The following KIF21B variants were observed in gnomAD, a reference collection of about 807,000 sequenced individuals.
KIF21B encodes the protein kinesin family member 21B, also known as kinesin-like protein KIF21B.
KIF21B carries 85 observed loss-of-function variants against 192.9 expected under a neutral mutation model. That is an observed-to-expected ratio of 0.44 (90% CI 0.37 to 0.53). The LOEUF (loss-of-function observed/expected upper bound fraction) is 0.53. Ranked by LOEUF, KIF21B falls within the 20% of genes least tolerant of loss-of-function variation. The pLI, the probability that KIF21B is intolerant of heterozygous loss-of-function variation, is 0.00. For missense variants in KIF21B, 1,716 were observed against 2,194.8 expected, an observed-to-expected ratio of 0.78 and a Z score of 4.36; for synonymous variants, 832 against 884.6, an observed-to-expected ratio of 0.94 and a Z score of 1.05.
At position 200,998,373 on chromosome 1, in the gene KIF21B, G is replaced by T; in HGVS notation, c.2077+11C>A. ...TCCGGATGGGGTGGAGGGGCATGGC[G>T]GTGGCCTCACTGAGGTTCTGCAGCA... On this transcript the variant is annotated intron_variant, in intron 14 of 34. Coordinates refer to ENST00000461742, the MANE Select transcript of KIF21B (RefSeq NM_001252102.2). This position sits in a 1 kb window ranked among gnomAD's most constrained non-coding sequence, Gnocchi z 4.3. 1.2e-6 allele frequency: 2 copies of T among 1,605,590 alleles called. No homozygotes were observed. Among genetic ancestry groups the T allele is most frequent in the Non-Finnish European group, 8.5e-7 (1 of 1,175,106 alleles).
intron 5 of KIF21B, 44 bp downstream of exon 5, chr1:201,005,264 C>A (rs748296165): frequency 5.2e-6 from 8 of 1,532,992 alleles, no homozygotes; most frequent in Non-Finnish European, 6.1e-6. Context: ...TCCCGGGATA[C>A]CCCTGCAGCA....
chr1:200,989,877 C>T (rs1279983339), intron 21 of KIF21B, 65 bp downstream of exon 21: 2 of 1,336,310 alleles, frequency 1.5e-6, no homozygotes, highest in Non-Finnish European at 2.1e-6. Flanking sequence ...GGGCTTCACA[C>T]TAGGGTATAT....
Position 200,970,398 on chromosome 1 carries a change from C to T in KIF21B, c.*3123G>A, listed in dbSNP as rs1655155634. On this transcript the variant is annotated 3_prime_UTR_variant, in exon 35 of 35. Coordinates refer to ENST00000461742, the MANE Select transcript of KIF21B (RefSeq NM_001252102.2). ...GCCACTCCCAGACCCACCGCTGTCCCTTCCCAAGGGGCTGAAGGTGGCACT... is the reference window on the plus strand; with the variant it reads ...GCCACTCCCAGACCCACCGCTGTCCTTTCCCAAGGGGCTGAAGGTGGCACT... 1 of 152,740 alleles carries T rather than the reference C, an allele frequency of 6.5e-6. No homozygotes were observed. Among genetic ancestry groups the T allele is most frequent in the African/African-American group, 2.4e-5 (1 of 41,480 alleles). The allele number at this position is 152,740 out of a possible 1,614,324, so 9.5% of individuals were successfully genotyped here. A position where few individuals can be genotyped will look rare whatever the true frequency, so the allele number is the denominator to read the frequency against.
Position 201,003,786 on chromosome 1 carries a change from G to T in KIF21B, c.1017-5C>A. ...CAGGCGATCATGATGGTCTGGCTGG[G>T]GGTGCAGAAAGGCTGTTGTGAGGGT... On this transcript the variant is annotated splice_polypyrimidine_tract_variant and splice_region_variant and intron_variant, in intron 7 of 34. Transcript: ENST00000461742. 4 of 1,614,156 alleles carry T rather than the reference G, an allele frequency of 2.5e-6. No individual in the cohort carries two copies. Among genetic ancestry groups the T allele is most frequent in the South Asian group, 1.1e-5 (1 of 91,062 alleles).
intron 27 of KIF21B, among the ~76,000 whole-genome samples, chr1:200,983,642 G>T (rs143288838): frequency 6.6e-6 from 1 of 152,304 alleles, no homozygotes; most frequent in Non-Finnish European, 1.5e-5. Flanking sequence ...CAGGCTCCAA[G>T]ACCTGGACCA....
chr1:201,017,677 C>T lies in KIF21B; in HGVS notation c.41+5666G>A, dbSNP rs537492216. Among the ~76,000 whole-genome samples, 1 of 152,334 alleles carries T rather than the reference C, an allele frequency of 6.6e-6. No individual in the cohort carries two copies. The highest frequency in any genetic ancestry group is 6.5e-5 in the Admixed American group (1 of 15,306). ...CTGTGGAGGGCAGCAAGCCTCTCCCCACCACACCGGCCCTGGCCCCCTGCC... is the reference window on the plus strand; with the variant it reads ...CTGTGGAGGGCAGCAAGCCTCTCCCTACCACACCGGCCCTGGCCCCCTGCC... On this transcript the variant is annotated intron_variant, in intron 1 of 34. Coordinates refer to ENST00000461742, the MANE Select transcript of KIF21B (RefSeq NM_001252102.2). The surrounding 1 kb of genome is among the most constrained non-coding windows in gnomAD (Gnocchi z 4.1).
chr1:200,973,813 TG>T (rs980523788), intron 34 of KIF21B: 2 of 1,430,350 alleles, frequency 1.4e-6, no homozygotes, highest in Non-Finnish European at 1.8e-6. Context: ...TTTCTTTTTT[TG>T]GGGGGGTGTT....
chr1:200,989,267 C>A (rs1468304823), intron 21 of KIF21B, among the ~76,000 whole-genome samples: 4 of 152,186 alleles, frequency 2.6e-5, no homozygotes, highest in Non-Finnish European at 5.9e-5. Flanking sequence ...TTGAGGCTCC[C>A]AGACTGGTAC....
At chr1:201,008,640 G>A (rs1490031415) in intron 3 of KIF21B, 129 bp downstream of exon 3, 2 of 861,240 alleles carry the variant, frequency 2.3e-6, no homozygotes, top group Middle Eastern at 3.6e-4. Flanking sequence ...TCAATAGCAG[G>A]GAACTCATCA....
chr1:200,986,719 C>T, intron 26 of KIF21B, 125 bp downstream of exon 26: 2 of 820,938 alleles, frequency 2.4e-6, no homozygotes, highest in South Asian at 1.7e-5. Context: ...CTGAATGGCT[C>T]AGTCAAGCTG....
chr1:201,016,032 G>A (rs752275883), intron 1 of KIF21B, among the ~76,000 whole-genome samples: 17 of 152,134 alleles, frequency 1.1e-4, no homozygotes, highest in African/African-American at 2.2e-4. Flanking sequence ...TTATGTACAC[G>A]AACACATGAA....
chr1:200,990,121 C>T lies in KIF21B; in HGVS notation c.3030+17G>A. 6.2e-7 allele frequency: 1 copy of T among 1,611,356 alleles called. No individual in the cohort carries two copies. Among genetic ancestry groups the T allele is most frequent in the Non-Finnish European group, 8.5e-7 (1 of 1,177,976 alleles). On this transcript the variant is annotated intron_variant, in intron 20 of 34. Coordinates refer to ENST00000461742, the MANE Select transcript of KIF21B (RefSeq NM_001252102.2). This position sits in a 1 kb window ranked among gnomAD's most constrained non-coding sequence, Gnocchi z 5.4. ...TCTCTCCCGCCTCCGCCCCAGCAGG[C>T]CCAGCCCTGCGGATACCTTGGTCTC...
intron 16 of KIF21B, 76 bp downstream of exon 16, chr1:200,992,206 G>T: frequency 2.2e-6 from 3 of 1,348,912 alleles, no homozygotes; most frequent in Non-Finnish European, 2.1e-6. Context: ...TTGGTCAGGA[G>T]GGGCAGCCAG....
rs569256515 is a variant in KIF21B at position 201,005,578 on chromosome 1, G to A, written c.564C>T (p.Gly188=). Residue 188 remains glycine, a synonymous_variant, in exon 4 of 35, where the codon GGC becomes GGT. Coordinates refer to ENST00000461742, the MANE Select transcript of KIF21B (RefSeq NM_001252102.2). Reference sequence around the variant, plus strand: ...GGGAGTGGATGAGGCGAGAAGTGACGCCAGTGGTGTAGATGCCACCGTTTG... The same window carrying A: ...GGGAGTGGATGAGGCGAGAAGTGACACCAGTGGTGTAGATGCCACCGTTTG... ...EDANGGIYTT[G]VTSRLIHSQE... 2.1e-5 allele frequency: 34 copies of A among 1,614,174 alleles called. No homozygotes were observed. The highest frequency in any genetic ancestry group is 6.7e-5 in the African/African-American group (5 of 75,062).
Position 200,990,081 on chromosome 1 carries a change from TA to T in KIF21B, c.3031-39del, listed in dbSNP as rs1240524198. The T allele has an allele frequency of 1.4e-5, 22 of 1,610,764 alleles. No homozygotes were observed. Among genetic ancestry groups the T allele is most frequent in the Non-Finnish European group, 1.9e-5 (22 of 1,177,596 alleles). On this transcript the variant is annotated intron_variant, in intron 20 of 34. Coordinates refer to ENST00000461742, the MANE Select transcript of KIF21B (RefSeq NM_001252102.2). This position sits in a 1 kb window ranked among gnomAD's most constrained non-coding sequence, Gnocchi z 5.4. ...GGCAGAGAGCCCCGTCACCTGGGGC[TA>T]CCCCTGCCACCCATCTCTCCCGCCT...
Position 200,998,636 on chromosome 1 carries a change from T to C in KIF21B, c.1886-61A>G, listed in dbSNP as rs1252749323. 2 of 1,519,936 alleles carry C rather than the reference T, an allele frequency of 1.3e-6. No individual in the cohort carries two copies. Among genetic ancestry groups the C allele is most frequent in the Non-Finnish European group, 1.8e-6 (2 of 1,107,578 alleles). The allele number at this position is 1,519,936 out of a possible 1,614,324, so 94.2% of individuals were successfully genotyped here. A position where few individuals can be genotyped will look rare whatever the true frequency, so the allele number is the denominator to read the frequency against. On this transcript the variant is annotated intron_variant, in intron 13 of 34. Coordinates refer to ENST00000461742, the MANE Select transcript of KIF21B (RefSeq NM_001252102.2). This position sits in a 1 kb window ranked among gnomAD's most constrained non-coding sequence, Gnocchi z 4.3. Reference sequence around the variant, plus strand: ...GGCGAGGGGCAAATTGGGGAGCAGATGTGCCAGTGCTGGGGAGCTGGGACC... The same window carrying C: ...GGCGAGGGGCAAATTGGGGAGCAGACGTGCCAGTGCTGGGGAGCTGGGACC...
At chr1:200,996,521 A>G in intron 14 of KIF21B, 126 bp from the exon 15 acceptor site, 2 of 784,128 alleles carry the variant, frequency 2.6e-6, no homozygotes, top group Non-Finnish European at 4.2e-6. Flanking sequence ...GGCAAGTCAC[A>G]CCCCTCTCTG....
intron 34 of KIF21B, chr1:200,974,123 A>T: frequency 6.2e-7 from 1 of 1,607,394 alleles, no homozygotes; most frequent in Non-Finnish European, 8.5e-7. Context: ...GCGGCCCTTT[A>T]TGGCCAGGAC....
At chr1:200,974,024 C>G (rs1034048790) in intron 34 of KIF21B, 1 of 1,573,366 alleles carries the variant, frequency 6.4e-7, no homozygotes, top group Non-Finnish European at 8.6e-7. Flanking sequence ...CAGCTCAGAT[C>G]GAAGTGGGGA....
Sources: allele counts gnomAD v4.1 joint callset (sites outside exome capture counted in the v4.1 genomes callset), GRCh38; gene constraint gnomAD v4.1.1; non-coding constraint Gnocchi (gnomAD v3.1); transcripts MANE v1.5; gene names NCBI Gene and HGNC (gene_info 2026-07-23, HGNC 2026-07-21).